Variants in CAST observed in about 807,000 individuals in gnomAD.
The protein encoded by CAST is calpastatin.
In CAST, 76 loss-of-function variants were observed where a neutral mutation model predicts 119.6. The ratio of observed to expected loss-of-function variants is 0.64; its 90% CI spans 0.53 to 0.77. The LOEUF (loss-of-function observed/expected upper bound fraction) is 0.77, where lower values mean the gene tolerates loss of function less well. Ranked by LOEUF, CAST falls within the 30% of genes least tolerant of loss-of-function variation. The pLI is 0.00. For missense variants in CAST, 953 were observed against 946.5 expected (o/e 1.01, Z -0.09); for synonymous variants, 319 against 331.6 (o/e 0.96, Z 0.41).
At chr5:96,684,566 T>C (rs1751824978) in intron 2 of CAST, among the ~76,000 whole-genome samples, 1 of 121,712 alleles carries the variant, frequency 8.2e-6, no homozygotes, top group South Asian at 2.4e-4. Flanking sequence ...CATCACTATC[T>C]TTTTTTTTTT....
the CAST span, among the ~76,000 whole-genome samples, chr5:96,056,192 A>G: frequency 6.6e-6 from 1 of 152,176 alleles, no homozygotes; most frequent in African/African-American, 2.4e-5. Flanking sequence ...TATCTCTGAT[A>G]ATCCTAGATA....
At chr5:96,486,037 C>CA in the CAST span, among the ~76,000 whole-genome samples, 21 of 151,418 alleles carry the variant, frequency 1.4e-4, no homozygotes, top group South Asian at 4.2e-4. Context: ...CAGAGAGGTC[C>CA]AAAAAAAATA....
the CAST span, among the ~76,000 whole-genome samples, chr5:96,290,239 C>G: frequency 6.6e-6 from 1 of 152,110 alleles, no homozygotes; most frequent in Non-Finnish European, 1.5e-5. Context: ...TATAGAATAT[C>G]AAGGCACAGA....
At chr5:96,399,544 T>C in the CAST span, among the ~76,000 whole-genome samples, 1 of 152,200 alleles carries the variant, frequency 6.6e-6, no homozygotes, top group Non-Finnish European at 1.5e-5. Flanking sequence ...CACTGTGGCA[T>C]GAAGCAAGGC....
chr5:96,553,498 A>G (rs1316483655), intron 1 of CAST, among the ~76,000 whole-genome samples: 1 of 152,180 alleles, frequency 6.6e-6, no homozygotes, highest in Non-Finnish European at 1.5e-5. Context: ...GAAAACCAGC[A>G]CAAGGATGCC....
chr5:96,159,587 A>C, the CAST span, among the ~76,000 whole-genome samples: 3 of 152,210 alleles, frequency 2.0e-5, no homozygotes, highest in Admixed American at 6.5e-5. Flanking sequence ...AGGCAGATTA[A>C]GTTTATATAA....
chr5:96,669,485 A>C (rs1428518431), intron 1 of CAST, among the ~76,000 whole-genome samples: 1 of 152,232 alleles, frequency 6.6e-6, no homozygotes, highest in Non-Finnish European at 1.5e-5. Context: ...AAAAAAGGAT[A>C]TAACTTACCC....
the CAST span, among the ~76,000 whole-genome samples, chr5:96,004,327 T>A: frequency 2.0e-5 from 3 of 152,216 alleles, no homozygotes; most frequent in Admixed American, 1.3e-4. Flanking sequence ...GTTCCTTCAA[T>A]CTATTGGTCA....
the CAST span, among the ~76,000 whole-genome samples, chr5:96,171,727 A>G: frequency 6.6e-6 from 1 of 152,244 alleles, no homozygotes; most frequent in Non-Finnish European, 1.5e-5. Context: ...TGTGGCGCCA[A>G]GATTGAAAGG....
chr5:96,575,936 T>G (rs1455404323), intron 1 of CAST, among the ~76,000 whole-genome samples: 1 of 152,194 alleles, frequency 6.6e-6, no homozygotes, highest in Non-Finnish European at 1.5e-5. Flanking sequence ...GGCTTTCAAA[T>G]ACATTTTCTG....
the CAST span, among the ~76,000 whole-genome samples, chr5:96,147,818 G>C: frequency 6.6e-6 from 1 of 152,188 alleles, no homozygotes; most frequent in African/African-American, 2.4e-5. Context: ...GATAGCCTGT[G>C]CAGATCAGCA....
rs1561617833 is a variant in CAST, at chr5:96,766,064, A to C, written c.2049A>C (p.Lys683Asn). Reference protein sequence around the residue: ...PMEDKVKEKAKAEHRDKLGER... With the variant: ...PMEDKVKEKANAEHRDKLGER... Reference sequence around the variant, plus strand: ...CACTGTTGATATAGGAAAAAGCTAAAGCTGAACATAGAGACAAGCTTGGAG... The same window carrying C: ...CACTGTTGATATAGGAAAAAGCTAACGCTGAACATAGAGACAAGCTTGGAG... Residue 683 changes from lysine to asparagine, a missense_variant, in exon 27 of 32, where the codon AAA becomes AAC. By Grantham distance (94) the Lys-to-Asn change is moderately conservative. Transcript: ENST00000675179. 1.9e-6 allele frequency: 3 copies of C among 1,600,216 alleles called. No individual in the cohort carries two copies. The highest frequency in any genetic ancestry group is 2.6e-6 in the Non-Finnish European group (3 of 1,168,542).
At chr5:96,360,516 G>A in the CAST span, among the ~76,000 whole-genome samples, 22 of 152,294 alleles carry the variant, frequency 1.4e-4, no homozygotes, top group Non-Finnish European at 2.6e-4. Context: ...GGGTTTTGGT[G>A]TGGACGTCCT....
chr5:96,021,540 G>C, the CAST span, among the ~76,000 whole-genome samples: 2 of 152,042 alleles, frequency 1.3e-5, no homozygotes, highest in Non-Finnish European at 2.9e-5. Flanking sequence ...CCGCCTCCTG[G>C]GTTCATGCCA....
At chr5:96,752,674 T>G (rs1765373763) in intron 20 of CAST, among the ~76,000 whole-genome samples, 1 of 150,848 alleles carries the variant, frequency 6.6e-6, no homozygotes, top group African/African-American at 2.4e-5. Context: ...GATCTTTCCT[T>G]TTGCAGTGCA....
chr5:96,021,316 TTTAA>T, the CAST span, among the ~76,000 whole-genome samples: 1 of 152,194 alleles, frequency 6.6e-6, no homozygotes, highest in African/African-American at 2.4e-5. Flanking sequence ...AAAATTTTTT[TTTAA>T]TTATAGATGC....
chr5:96,393,105 G>C, the CAST span: 3 of 1,614,030 alleles, frequency 1.9e-6, no homozygotes, highest in African/African-American at 1.3e-5. Context: ...TCATTATACA[G>C]ACTGTCTTCA....
chr5:96,758,873 C>G (rs540725619), intron 24 of CAST, among the ~76,000 whole-genome samples: 1 of 152,064 alleles, frequency 6.6e-6, no homozygotes, highest in Admixed American at 6.6e-5. Context: ...GTGAGGAGTA[C>G]GCCAGGAATG....
chr5:96,240,467 A>G, the CAST span, among the ~76,000 whole-genome samples: 1 of 152,204 alleles, frequency 6.6e-6, no homozygotes, highest in Non-Finnish European at 1.5e-5. Context: ...TGCTTTATAC[A>G]GTCTGCAGCT....
Sources: allele counts gnomAD v4.1 joint callset (sites outside exome capture counted in the v4.1 genomes callset), GRCh38; gene constraint gnomAD v4.1.1; transcripts MANE v1.5; gene names NCBI Gene and HGNC (gene_info 2026-07-23, HGNC 2026-07-21).